APOLD1: variants seen among roughly 807,000 people sequenced by gnomAD.
APOLD1 encodes the protein apolipoprotein L domain-containing protein 1.
APOLD1 carries 22 observed loss-of-function variants against 15.3 expected under a neutral mutation model. The observed-to-expected ratio is 1.44, with a 90% CI of 1.03 to 2.05. APOLD1 has a LOEUF of 2.05. Among genes scored for constraint, APOLD1 ranks in the 30% most tolerant of loss-of-function variants. The pLI is 0.00. For missense variants in APOLD1, 394 were observed against 353.5 expected (o/e 1.11, Z -0.92); for synonymous variants, 190 against 167.4 (o/e 1.13, Z -1.04).
intron 1 of APOLD1, among the ~76,000 whole-genome samples, chr12:12,737,995 C>T (rs1244339755): frequency 6.6e-6 from 1 of 152,120 alleles, no homozygotes; most frequent in Non-Finnish European, 1.5e-5. Flanking sequence ...AATTCTGTTT[C>T]CTGCTTTTCT....
intron 1 of APOLD1, among the ~76,000 whole-genome samples, chr12:12,733,225 T>C: frequency 6.6e-6 from 1 of 151,602 alleles, no homozygotes; most frequent in Non-Finnish European, 1.5e-5. Context: ...ACTCAGAAGG[T>C]TGAGGTAGGA....
At position 12,774,280 on chromosome 12, in the gene APOLD1, C is replaced by G. The variant is rs111376214; in HGVS notation, c.97-12629C>G. 2.9e-4 allele frequency among the ~76,000 whole-genome samples: 44 copies of G among 152,018 alleles called. 1 individual carries two copies. Among genetic ancestry groups the G allele is most frequent in the African/African-American group, 1.0e-3 (42 of 41,512 alleles). ...AAGAACCTGGACGGGTGTGGTGGCT[C>G]ATACCTGTAATCCTAGCACTTTGGG... is the stretch of plus-strand genomic sequence containing the variant. On this transcript the variant is annotated intron_variant, in intron 1 of 1. Transcript: ENST00000326765.
chr12:12,740,899 G>A (rs1450423180), intron 1 of APOLD1, among the ~76,000 whole-genome samples: 4 of 152,158 alleles, frequency 2.6e-5, no homozygotes, highest in Admixed American at 2.6e-4. Flanking sequence ...CACTTTGGGA[G>A]GCTGAGGCAG....
At chr12:12,730,071 TGTGTGTGA>T (rs1322728323) in intron 1 of APOLD1, among the ~76,000 whole-genome samples, 9 of 61,310 alleles carry the variant, frequency 1.5e-4, no homozygotes, top group African/African-American at 9.4e-4. Flanking sequence ...TGTGTGTGTG[TGTGTGTGA>T]GAGAGAGAGA....
intron 1 of APOLD1, among the ~76,000 whole-genome samples, chr12:12,775,941 T>G (rs1387336905): frequency 7.5e-6 from 1 of 133,766 alleles, no homozygotes; most frequent in Non-Finnish European, 1.5e-5. Context: ...GAGTTCAAAG[T>G]TACAGTGAGC....
At chr12:12,728,491 C>G (rs138914718) in intron 1 of APOLD1, among the ~76,000 whole-genome samples, 1 of 151,484 alleles carries the variant, frequency 6.6e-6, no homozygotes, top group Non-Finnish European at 1.5e-5. Flanking sequence ...CATGGTGAAA[C>G]CCCGTTTCTA....
chr12:12,767,670 AC>A (rs1453519716), intron 1 of APOLD1, among the ~76,000 whole-genome samples: 2 of 152,212 alleles, frequency 1.3e-5, no homozygotes, highest in African/African-American at 2.4e-5. Context: ...CAAAACAAAA[AC>A]AAAAACAAAA....
intron 1 of APOLD1, among the ~76,000 whole-genome samples, chr12:12,786,144 T>C (rs1359743953): frequency 6.6e-6 from 1 of 152,218 alleles, no homozygotes; most frequent in Non-Finnish European, 1.5e-5. Context: ...CTTTATTTTA[T>C]TCAACCATTA....
At chr12:12,735,090 C>G (rs997350983) in intron 1 of APOLD1, among the ~76,000 whole-genome samples, 1 of 152,050 alleles carries the variant, frequency 6.6e-6, no homozygotes, top group African/African-American at 2.4e-5. Flanking sequence ...AAGAAAAGGG[C>G]CTTTAAAAAT....
At chr12:12,742,435 G>A (rs974953917) in intron 1 of APOLD1, among the ~76,000 whole-genome samples, 3 of 152,134 alleles carry the variant, frequency 2.0e-5, no homozygotes, top group Admixed American at 6.5e-5. Flanking sequence ...ATCGATTCAG[G>A]CATTTCTCAA....
upstream of APOLD1, among the ~76,000 whole-genome samples, chr12:12,783,783 G>A (rs1947104279): frequency 1.3e-5 from 2 of 151,610 alleles, no homozygotes; most frequent in African/African-American, 2.4e-5. Flanking sequence ...ACAGGTGTGA[G>A]TCACTATGCC....
chr12:12,743,845 C>T (rs1205981595), intron 1 of APOLD1, among the ~76,000 whole-genome samples: 2 of 152,056 alleles, frequency 1.3e-5, no homozygotes, highest in Non-Finnish European at 1.5e-5. Context: ...TTGCTGGCTT[C>T]GAGGATGGAG....
chr12:12,756,998 G>T (rs1184980207), intron 1 of APOLD1, among the ~76,000 whole-genome samples: 5 of 152,114 alleles, frequency 3.3e-5, no homozygotes, highest in Admixed American at 3.3e-4. Context: ...TTTTGGCCAG[G>T]CTAGTCTCAA....
rs1317301029 is a variant in APOLD1 at position 12,768,947 on chromosome 12, G to A, written c.97-17962G>A. Among the ~76,000 whole-genome samples the A allele has an allele frequency of 8.6e-5, 13 of 151,966 alleles. No homozygotes were observed. The East Asian group carries it at 2.3e-3, about 27-fold the overall frequency. ...AGGAGCTCAGAAGTCACTACTCCTGGCTGGGCACCGTAGCTCATGCCTGCA... is the reference window on the plus strand; with the variant it reads ...AGGAGCTCAGAAGTCACTACTCCTGACTGGGCACCGTAGCTCATGCCTGCA... On this transcript the variant is annotated intron_variant, in intron 1 of 1. Coordinates refer to the APOLD1 transcript ENST00000326765.
At chr12:12,743,190 TTGAG>T (rs1946741088) in intron 1 of APOLD1, among the ~76,000 whole-genome samples, 1 of 152,224 alleles carries the variant, frequency 6.6e-6, no homozygotes, top group African/African-American at 2.4e-5. Flanking sequence ...TGCTAATGTA[TTGAG>T]TGAGGGATCT....
intron 1 of APOLD1, among the ~76,000 whole-genome samples, chr12:12,734,079 G>C (rs1354434902): frequency 6.6e-6 from 1 of 152,084 alleles, no homozygotes; most frequent in Non-Finnish European, 1.5e-5. Flanking sequence ...CTGTACATGA[G>C]TTATGAGGAG....
chr12:12,768,191 T>C (rs1007573018), intron 1 of APOLD1, among the ~76,000 whole-genome samples: 2 of 152,240 alleles, frequency 1.3e-5, no homozygotes, highest in African/African-American at 2.4e-5. Flanking sequence ...TGTACAAATA[T>C]TGAACAATTG....
At chr12:12,736,905 A>C (rs555491178) in intron 1 of APOLD1, among the ~76,000 whole-genome samples, 4 of 152,340 alleles carry the variant, frequency 2.6e-5, no homozygotes, top group Non-Finnish European at 5.9e-5. Context: ...GGACCTCGCC[A>C]GCCTCCTGCT....
chr12:12,763,804 AAT>A (rs1357325979), intron 1 of APOLD1, among the ~76,000 whole-genome samples: 1 of 152,152 alleles, frequency 6.6e-6, no homozygotes, highest in Non-Finnish European at 1.5e-5. Context: ...TACCTTATAT[AAT>A]ATGTGTTATA....
Sources: allele counts gnomAD v4.1 joint callset (sites outside exome capture counted in the v4.1 genomes callset), GRCh38; gene constraint gnomAD v4.1.1; transcripts MANE v1.5; gene names NCBI Gene and HGNC (gene_info 2026-07-23, HGNC 2026-07-21).